Variants in ISG20 observed in about 807,000 individuals in gnomAD.
ISG20 encodes the protein interferon-stimulated gene 20 kDa protein.
A neutral mutation model predicts 11.1 loss-of-function variants in ISG20; 8 were observed. That is an observed-to-expected ratio of 0.72 (90% CI 0.42 to 1.30). The LOEUF is 1.30. ISG20 is among the 50% of genes most tolerant of loss of function. ISG20 has a pLI of 0.01. For synonymous variants in ISG20, 110 were observed against 101.7 expected (o/e 1.08, Z -0.49); for missense variants, 243 against 250.2 (o/e 0.97, Z 0.19).
At chr15:88,653,050 A>G (rs1372305123) in intron 3 of ISG20, among the ~76,000 whole-genome samples, 1 of 152,038 alleles carries the variant, frequency 6.6e-6, no homozygotes, top group Non-Finnish European at 1.5e-5. Flanking sequence ...GGAAGGGCAG[A>G]GGGAGAGGCG....
chr15:88,637,903 A>G (rs2058010688), upstream of ISG20, among the ~76,000 whole-genome samples: 1 of 152,250 alleles, frequency 6.6e-6, no homozygotes, highest in Non-Finnish European at 1.5e-5. Context: ...AGTCTGAATT[A>G]AAGCAAAAGT....
At chr15:88,642,307 C>G (rs2058095363) in intron 2 of ISG20, among the ~76,000 whole-genome samples, 1 of 152,168 alleles carries the variant, frequency 6.6e-6, no homozygotes, top group African/African-American at 2.4e-5. Flanking sequence ...TTCATCCTAC[C>G]TTAACTAATT....
chr15:88,641,706 A>T (rs1296375404), intron 2 of ISG20, among the ~76,000 whole-genome samples: 1 of 151,874 alleles, frequency 6.6e-6, no homozygotes. Context: ...ATCTGGGCTC[A>T]CTGCAACCTC....
chr15:88,639,737 C>A lies in ISG20; in HGVS notation c.228+143C>A. On this transcript the variant is annotated intron_variant, in intron 2 of 3. Coordinates refer to ENST00000306072, the MANE Select transcript of ISG20 (RefSeq NM_002201.6). The surrounding 1 kb of genome is among the most constrained non-coding windows in gnomAD (Gnocchi z 4.2). The stretch of plus-strand genomic sequence containing the variant: ...GCTGTTGGGAGAAAGCCGGTGGTGT[C>A]TCCATCACATCCTGGAGAAGGCTTC... The A allele has an allele frequency of 1.5e-6, 1 of 660,728 alleles. No homozygotes were observed. The highest frequency in any genetic ancestry group is 1.8e-5 in the African/African-American group (1 of 55,238). 40.9% of individuals were successfully genotyped at this position (660,728 alleles called of 1,614,324 possible).
In ISG20 at chr15:88,650,494, C is replaced by T; in HGVS notation, c.229-1616C>T. On this transcript the variant is annotated intron_variant, in intron 2 of 3. Coordinates refer to ENST00000306072, the MANE Select transcript of ISG20 (RefSeq NM_002201.6). This position sits in a 1 kb window ranked among gnomAD's most constrained non-coding sequence, Gnocchi z 4.0. The stretch of plus-strand genomic sequence containing the variant: ...TGCCACTAACTAGCCGTGTGACTGT[C>T]CCAGTTATCAAATGGTGCTTGGCAA... 1 of 1,404,140 alleles carries T rather than the reference C, an allele frequency of 7.1e-7. No homozygotes were observed. Among genetic ancestry groups the T allele is most frequent in the Admixed American group, 2.8e-5 (1 of 35,360 alleles). The allele number at this position is 1,404,140 out of a possible 1,614,324, so 87.0% of individuals were successfully genotyped here.
chr15:88,654,236 C>T (rs2058336587), intron 3 of ISG20, among the ~76,000 whole-genome samples: 1 of 152,192 alleles, frequency 6.6e-6, no homozygotes, highest in Admixed American at 6.5e-5. Flanking sequence ...GTTTCCTCAT[C>T]TGTCAAGGAT....
intron 2 of ISG20, among the ~76,000 whole-genome samples, chr15:88,644,688 G>T (rs1746902650): frequency 6.6e-6 from 1 of 152,146 alleles, no homozygotes; most frequent in African/African-American, 2.4e-5. Flanking sequence ...AAAGGTGAGG[G>T]CAACATGAAG....
intron 2 of ISG20, chr15:88,651,460 A>G (rs974336560): frequency 8.1e-5 from 23 of 285,334 alleles, no homozygotes; most frequent in Non-Finnish European, 1.2e-4. Flanking sequence ...GGAAGAATCC[A>G]TTTCCTCGCC....
At chr15:88,644,532 CAA>C (rs373461017) in intron 2 of ISG20, among the ~76,000 whole-genome samples, 36 of 89,126 alleles carry the variant, frequency 4.0e-4, no homozygotes, top group South Asian at 2.4e-3. Context: ...ACTTAGTCTC[CAA>C]AAAAAAAAAA....
Position 88,650,579 on chromosome 15 carries a change from A to C in ISG20, c.229-1531A>C. 1 of 745,266 alleles carries C rather than the reference A, an allele frequency of 1.3e-6. No individual in the cohort carries two copies. The highest frequency in any genetic ancestry group is 1.9e-6 in the Non-Finnish European group (1 of 519,748). The allele number at this position is 745,266 out of a possible 1,614,324, so 46.2% of individuals were successfully genotyped here. A position where few individuals can be genotyped will look rare whatever the true frequency, so the allele number is the denominator to read the frequency against. On this transcript the variant is annotated intron_variant, in intron 2 of 3. Transcript: ENST00000306072. The surrounding 1 kb of genome is among the most constrained non-coding windows in gnomAD (Gnocchi z 4.0). The stretch of plus-strand genomic sequence containing the variant: ...ATACTTATTTCGCTCGGCCACCTGC[A>C]GTTTGGGCAGGTGCTCTGCAGCAGG...
At chr15:88,642,374 G>A (rs1182418820) in intron 2 of ISG20, among the ~76,000 whole-genome samples, 4 of 152,194 alleles carry the variant, frequency 2.6e-5, no homozygotes, top group African/African-American at 9.6e-5. Flanking sequence ...TGGGGGTTAG[G>A]ATTTTAACAT....
intron 3 of ISG20, among the ~76,000 whole-genome samples, chr15:88,653,082 T>C (rs1356339774): frequency 3.3e-5 from 5 of 152,130 alleles, no homozygotes; most frequent in African/African-American, 9.7e-5. Flanking sequence ...GAGCCAGGGC[T>C]GTACACAGGG....
At chr15:88,651,973 C>G in intron 2 of ISG20, 137 bp from the exon 3 acceptor site, 3 of 1,473,288 alleles carry the variant, frequency 2.0e-6, no homozygotes, top group Non-Finnish European at 2.7e-6. Flanking sequence ...AAAGATGATA[C>G]ATTTGAAGCC....
intron 3 of ISG20, among the ~76,000 whole-genome samples, chr15:88,653,004 G>A (rs887641389): frequency 4.6e-5 from 7 of 151,958 alleles, no homozygotes; most frequent in African/African-American, 7.3e-5. Flanking sequence ...GCAGGAAAAG[G>A]CATACGGATA....
intron 2 of ISG20, chr15:88,651,815 T>C: frequency 1.6e-6 from 2 of 1,255,438 alleles, no homozygotes; most frequent in Non-Finnish European, 2.0e-6. Context: ...ATGACGTATG[T>C]TGAGGCACGC....
intron 2 of ISG20, among the ~76,000 whole-genome samples, chr15:88,645,385 C>G (rs1007981983): frequency 2.0e-5 from 3 of 152,084 alleles, no homozygotes; most frequent in African/African-American, 4.8e-5. Context: ...GAAACCCAGT[C>G]CCCTCTCCGA....
At chr15:88,654,855 C>T (rs2058348652) in intron 3 of ISG20, among the ~76,000 whole-genome samples, 1 of 152,206 alleles carries the variant, frequency 6.6e-6, no homozygotes, top group Non-Finnish European at 1.5e-5. Context: ...CCGACTTCGG[C>T]ATTCAAGGCC....
At chr15:88,636,694 A>T (rs1455184927), upstream of ISG20, among the ~76,000 whole-genome samples, 2 of 152,174 alleles carry the variant, frequency 1.3e-5, no homozygotes, top group East Asian at 3.9e-4. Flanking sequence ...GTGATTCACC[A>T]CAATGGATTA....
intron 3 of ISG20, 28 bp downstream of exon 3, chr15:88,652,338 TCCCC>T: frequency 7.6e-7 from 1 of 1,323,270 alleles, no homozygotes. Flanking sequence ...CTTCTCCTCC[TCCCC>T]CCTCCTCCCC....
Sources: gnomAD v4.1 joint callset for allele counts (sites outside exome capture counted in the v4.1 genomes callset) on GRCh38, gnomAD v4.1.1 for gene constraint, Gnocchi (gnomAD v3.1) non-coding constraint, MANE v1.5 for transcripts, NCBI Gene and HGNC (gene_info 2026-07-23, HGNC 2026-07-21) for gene names.